SMYD3: variants seen among roughly 807,000 people sequenced by gnomAD.
SMYD3 encodes SET and MYND domain containing 3, also known as histone-lysine N-methyltransferase SMYD3.
Under a neutral mutation model 57.7 loss-of-function variants are expected in SMYD3, and 36 were observed. That is an observed-to-expected ratio of 0.62 (90% confidence interval 0.48 to 0.82). SMYD3 has a LOEUF of 0.82. Ranked by LOEUF, SMYD3 falls within the 40% of genes least tolerant of loss-of-function variation. The pLI, the probability that SMYD3 is intolerant of heterozygous loss-of-function variation, is 0.00. For synonymous variants in SMYD3, 211 were observed against 195.0 expected (o/e 1.08, Z -0.68); for missense variants, 515 against 538.8 (o/e 0.96, Z 0.44).
In SMYD3 at chr1:246,435,748, G is replaced by A. The variant is rs2067361912; in HGVS notation, c.164+71306C>T. ...ACAAGAATTCCAAGAATTCCAAGGA[G>A]AAGATACAAGAATTCCAAGAATTCC... On this transcript the variant is annotated intron_variant, in intron 1 of 11. Transcript: ENST00000490107. 2.6e-5 allele frequency among the ~76,000 whole-genome samples: 4 copies of A among 152,218 alleles called. No homozygotes were observed. In the South Asian group the frequency reaches 8.3e-4, roughly 32 times the overall value.
At chr1:246,123,763 C>G (rs996211151) in intron 5 of SMYD3, among the ~76,000 whole-genome samples, 24 of 152,210 alleles carry the variant, frequency 1.6e-4, no homozygotes, top group Middle Eastern at 6.8e-3. Context: ...GTCCAAAATG[C>G]CTAATTAAAA....
chr1:245,866,081 A>G (rs2051822762), intron 8 of SMYD3, among the ~76,000 whole-genome samples: 2 of 152,238 alleles, frequency 1.3e-5, no homozygotes, highest in Non-Finnish European at 2.9e-5. Context: ...GGAGGTTTAT[A>G]GAACGACCCC....
At chr1:246,116,831 T>C (rs2061349285) in intron 5 of SMYD3, among the ~76,000 whole-genome samples, 1 of 152,236 alleles carries the variant, frequency 6.6e-6, no homozygotes, top group Non-Finnish European at 1.5e-5. Context: ...TAAACCTTGT[T>C]CCTTTCAACA....
chr1:246,348,389 C>T (rs1012898568), intron 2 of SMYD3, among the ~76,000 whole-genome samples: 40 of 151,828 alleles, frequency 2.6e-4, no homozygotes, highest in African/African-American at 9.7e-4. Flanking sequence ...GCACTCCAGC[C>T]TGGGTGCCAG....
At chr1:246,497,946 A>T (rs1249351126) in intron 1 of SMYD3, among the ~76,000 whole-genome samples, 1 of 152,194 alleles carries the variant, frequency 6.6e-6, no homozygotes, top group African/African-American at 2.4e-5. Flanking sequence ...AAAAGATATA[A>T]ATATGGCCTT....
At chr1:246,340,125 A>G (rs2065609547) in intron 2 of SMYD3, among the ~76,000 whole-genome samples, 1 of 152,252 alleles carries the variant, frequency 6.6e-6, no homozygotes, top group Non-Finnish European at 1.5e-5. Flanking sequence ...ATACAATTCT[A>G]TAATTATCAT....
Position 246,461,489 on chromosome 1 carries a change from T to C in SMYD3, c.164+45565A>G, listed in dbSNP as rs575434926. On this transcript the variant is annotated intron_variant, in intron 1 of 11. Coordinates refer to ENST00000490107, the MANE Select transcript of SMYD3 (RefSeq NM_001167740.2). ...TCATAAACATGTTTCTATAGAAAAA[T>C]AGAAATCATATAAAGCACAGCAATC... Among the ~76,000 whole-genome samples the C allele has an allele frequency of 1.4e-4, 21 of 152,170 alleles. No homozygotes were observed. The South Asian group carries it at 2.3e-3, about 17-fold the overall frequency.
At chr1:246,244,139 C>T (rs1365020526) in intron 5 of SMYD3, among the ~76,000 whole-genome samples, 2 of 151,898 alleles carry the variant, frequency 1.3e-5, no homozygotes, top group Non-Finnish European at 2.9e-5. Flanking sequence ...TCTCTTTTTA[C>T]TATACTCTAA....
chr1:246,451,555 G>A (rs2067632687), intron 1 of SMYD3, among the ~76,000 whole-genome samples: 1 of 152,166 alleles, frequency 6.6e-6, no homozygotes, highest in Admixed American at 6.5e-5. Flanking sequence ...TGATGATGGT[G>A]GATACATGTC....
intron 8 of SMYD3, among the ~76,000 whole-genome samples, chr1:245,878,654 G>C (rs1572575014): frequency 6.6e-6 from 1 of 152,226 alleles, no homozygotes; most frequent in African/African-American, 2.4e-5. Context: ...TGGGTAAAAA[G>C]GGGCCAGCTG....
At chr1:246,076,451 T>G (rs1161822829) in intron 5 of SMYD3, among the ~76,000 whole-genome samples, 1 of 152,120 alleles carries the variant, frequency 6.6e-6, no homozygotes, top group Non-Finnish European at 1.5e-5. Flanking sequence ...CCCATTTTAT[T>G]CAAGACAGAA....
At chr1:246,065,207 C>T (rs2060320677) in intron 5 of SMYD3, among the ~76,000 whole-genome samples, 1 of 152,220 alleles carries the variant, frequency 6.6e-6, no homozygotes, top group Non-Finnish European at 1.5e-5. Context: ...GAGCTATTTT[C>T]CTCCTAGTTC....
intron 5 of SMYD3, among the ~76,000 whole-genome samples, chr1:246,083,603 G>T (rs1005294327): frequency 6.6e-6 from 1 of 152,074 alleles, no homozygotes; most frequent in East Asian, 1.9e-4. Flanking sequence ...AACAAGAAAC[G>T]CCCACAAGTG....
At chr1:246,198,079 G>A (rs1455044227) in intron 5 of SMYD3, among the ~76,000 whole-genome samples, 1 of 152,042 alleles carries the variant, frequency 6.6e-6, no homozygotes, top group African/African-American at 2.4e-5. Context: ...TAGCTAACAC[G>A]GGCCCATTCT....
chr1:246,248,640 T>G (rs1320469287), intron 5 of SMYD3, among the ~76,000 whole-genome samples: 3 of 112,668 alleles, frequency 2.7e-5, no homozygotes, highest in African/African-American at 3.9e-5. Flanking sequence ...ACTTTCCTTT[T>G]TTTTTTTTTT....
intron 11 of SMYD3, among the ~76,000 whole-genome samples, chr1:245,750,252 A>C (rs1292228873): frequency 2.0e-5 from 3 of 152,232 alleles, no homozygotes; most frequent in Admixed American, 6.5e-5. Context: ...TAATAGAAGT[A>C]AAGCAACTGA....
chr1:246,068,702 C>T (rs2060391697), intron 5 of SMYD3, among the ~76,000 whole-genome samples: 1 of 152,124 alleles, frequency 6.6e-6, no homozygotes, highest in African/African-American at 2.4e-5. Context: ...GTTATTGTTA[C>T]ACTAATAAAA....
intron 1 of SMYD3, among the ~76,000 whole-genome samples, chr1:246,372,957 C>A (rs1346355492): frequency 6.6e-6 from 1 of 152,138 alleles, no homozygotes. Context: ...AGCCTGGCTG[C>A]TTCATTTACT....
rs2062440002 is a variant in SMYD3, at chr1:246,176,666, G to C, written c.531+150535C>G. ...GCCTCCTGAGTAGCTGGGCCCACAG[G>C]TGCGTGCCAACATGCCTGGCAAATT... On this transcript the variant is annotated intron_variant, in intron 5 of 11. Coordinates refer to ENST00000490107, the MANE Select transcript of SMYD3 (RefSeq NM_001167740.2). 3.3e-5 allele frequency among the ~76,000 whole-genome samples: 5 copies of C among 152,168 alleles called. No individual in the cohort carries two copies. The South Asian group carries it at 1.0e-3, about 32-fold the overall frequency.
Sources: gnomAD v4.1 joint callset for allele counts (sites outside exome capture counted in the v4.1 genomes callset) on GRCh38, gnomAD v4.1.1 for gene constraint, MANE v1.5 for transcripts, NCBI Gene and HGNC (gene_info 2026-07-23, HGNC 2026-07-21) for gene names.